Variants in DLG1 observed in about 807,000 individuals in gnomAD.
DLG1 encodes discs large MAGUK scaffold protein 1, also known as disks large homolog 1.
DLG1 carries 42 observed loss-of-function variants against 123.4 expected under a neutral mutation model. That is an observed-to-expected ratio of 0.34 (90% confidence interval 0.27 to 0.44). The LOEUF (loss-of-function observed/expected upper bound fraction) is 0.44, where lower values mean the gene tolerates loss of function less well. Ranked by LOEUF, DLG1 falls within the 20% of genes least tolerant of loss-of-function variation. The probability of loss-of-function intolerance (pLI) is 1.00; values close to 1 mark genes in which losing one functional copy is unlikely to be tolerated. For missense variants in DLG1, 942 were observed against 1,082.6 expected, an observed-to-expected ratio of 0.87 and a Z score of 1.82; for synonymous variants, 317 against 356.2, an observed-to-expected ratio of 0.89 and a Z score of 1.24.
intron 4 of DLG1, among the ~76,000 whole-genome samples, chr3:197,274,652 G>C (rs1449251797): frequency 6.6e-6 from 1 of 152,140 alleles, no homozygotes; most frequent in African/African-American, 2.4e-5. Flanking sequence ...AAAAGATCCT[G>C]TACAGCAAAG....
intron 4 of DLG1, among the ~76,000 whole-genome samples, chr3:197,225,106 G>A (rs1429388099): frequency 2.0e-5 from 3 of 152,108 alleles, no homozygotes; most frequent in African/African-American, 4.8e-5. Context: ...ACAGGCACCC[G>A]CCACCGCACC....
chr3:197,108,859 T>C (rs768162247), intron 13 of DLG1, among the ~76,000 whole-genome samples: 4 of 152,234 alleles, frequency 2.6e-5, no homozygotes, highest in Non-Finnish European at 5.9e-5. Flanking sequence ...AATCTGTTTA[T>C]ATTTAATATA....
intron 5 of DLG1, among the ~76,000 whole-genome samples, chr3:197,151,185 T>C (rs1303156116): frequency 1.3e-5 from 2 of 152,148 alleles, no homozygotes; most frequent in Non-Finnish European, 2.9e-5. Context: ...CAACTTCACT[T>C]TATTCTGCTT....
intron 22 of DLG1, among the ~76,000 whole-genome samples, chr3:197,064,401 C>T (rs1361122073): frequency 2.0e-5 from 3 of 152,172 alleles, no homozygotes; most frequent in African/African-American, 7.2e-5. Flanking sequence ...CCATGTTGGC[C>T]AGGCTGGTCT....
chr3:197,069,268 T>C lies in DLG1; in HGVS notation c.2006-8A>G, dbSNP rs767702297. ...CATTAGAAGTTACATGCTCTGAAAT[T>C]GCAGGACAATGAAAAAAAATAAAAC... On this transcript the variant is annotated splice_region_variant and splice_polypyrimidine_tract_variant and intron_variant, in intron 18 of 24. Coordinates refer to ENST00000667157, the MANE Select transcript of DLG1 (RefSeq NM_001366207.1). 1.9e-5 allele frequency: 30 copies of C among 1,577,786 alleles called. No homozygotes were observed. Among genetic ancestry groups the C allele is most frequent in the Middle Eastern group, 3.4e-4 (2 of 5,970 alleles).
intron 5 of DLG1, among the ~76,000 whole-genome samples, chr3:197,190,761 A>G (rs890694704): frequency 5.9e-5 from 9 of 152,228 alleles, no homozygotes; most frequent in Admixed American, 5.2e-4. Context: ...CTGTAATCCC[A>G]GCACTGTGGG....
At chr3:197,145,988 T>C (rs1310144469) in intron 6 of DLG1, among the ~76,000 whole-genome samples, 1 of 151,292 alleles carries the variant, frequency 6.6e-6, no homozygotes, top group Non-Finnish European at 1.5e-5. Flanking sequence ...AGTGAGACAC[T>C]GTCTCAAATA....
At chr3:197,255,744 C>T (rs994076088) in intron 4 of DLG1, among the ~76,000 whole-genome samples, 11 of 149,448 alleles carry the variant, frequency 7.4e-5, no homozygotes, top group Admixed American at 1.3e-4. Flanking sequence ...ATTTATATGA[C>T]GTTCAAACCT....
intron 4 of DLG1, among the ~76,000 whole-genome samples, chr3:197,248,596 A>G (rs145233367): frequency 1.2e-3 from 190 of 152,304 alleles, no homozygotes; most frequent in South Asian, 2.9e-3. Flanking sequence ...TGAACAAAGG[A>G]AAGCAGGGGT....
chr3:197,158,581 C>T (rs1175619944), intron 5 of DLG1, among the ~76,000 whole-genome samples: 1 of 137,846 alleles, frequency 7.3e-6, no homozygotes, highest in Non-Finnish European at 1.5e-5. Flanking sequence ...CTGTGGTGAG[C>T]CGAGATTGTG....
chr3:197,145,066 C>CAT (rs1340311379), intron 6 of DLG1, among the ~76,000 whole-genome samples: 1 of 151,982 alleles, frequency 6.6e-6, no homozygotes, highest in Non-Finnish European at 1.5e-5. Context: ...CACACACACA[C>CAT]ACACACACAC....
intron 5 of DLG1, among the ~76,000 whole-genome samples, chr3:197,154,415 C>T (rs778709791): frequency 2.0e-5 from 3 of 152,142 alleles, no homozygotes; most frequent in Non-Finnish European, 4.4e-5. Context: ...GTGGCTCACA[C>T]CTGTAATCCC....
intron 3 of DLG1, among the ~76,000 whole-genome samples, chr3:197,294,178 A>G (rs534918429): frequency 4.6e-5 from 7 of 152,082 alleles, no homozygotes; most frequent in Non-Finnish European, 8.8e-5. Context: ...AACACACAGA[A>G]CCTCTATTAA....
chr3:197,129,637 T>C (rs759833171), intron 11 of DLG1, among the ~76,000 whole-genome samples: 6 of 152,230 alleles, frequency 3.9e-5, no homozygotes, highest in Admixed American at 2.0e-4. Flanking sequence ...TTTATTGCCA[T>C]TGAACATGCC....
At chr3:197,141,508 A>C (rs1258744507) in intron 7 of DLG1, among the ~76,000 whole-genome samples, 2 of 152,214 alleles carry the variant, frequency 1.3e-5, no homozygotes, top group African/African-American at 4.8e-5. Context: ...AGTAGATGGC[A>C]ATAAAGATAT....
chr3:197,219,555 C>T (rs969727957), intron 4 of DLG1, among the ~76,000 whole-genome samples: 1 of 152,130 alleles, frequency 6.6e-6, no homozygotes, highest in Non-Finnish European at 1.5e-5. Flanking sequence ...AATTATGTCC[C>T]CCGCCCTCCC....
chr3:197,130,699 G>C, intron 10 of DLG1, 28 bp from the exon 11 acceptor site: 3 of 1,548,058 alleles, frequency 1.9e-6, no homozygotes, highest in Non-Finnish European at 2.6e-6. Flanking sequence ...AGACATTTAT[G>C]ACATATTCAC....
chr3:197,085,864 G>A, intron 15 of DLG1, 108 bp from the exon 16 acceptor site: 2 of 991,772 alleles, frequency 2.0e-6, no homozygotes, highest in Non-Finnish European at 1.5e-6. Context: ...TATCATAGTA[G>A]GCCAAATAAT....
chr3:197,250,609 T>A (rs951694991), intron 4 of DLG1, among the ~76,000 whole-genome samples: 2 of 149,982 alleles, frequency 1.3e-5, no homozygotes, highest in African/African-American at 4.9e-5. Flanking sequence ...GAAAGAAATT[T>A]AAAAAGCAAT....
Sources: gnomAD v4.1 joint callset for allele counts (sites outside exome capture counted in the v4.1 genomes callset) on GRCh38, gnomAD v4.1.1 for gene constraint, MANE v1.5 for transcripts, NCBI Gene and HGNC (gene_info 2026-07-23, HGNC 2026-07-21) for gene names.